Variants in PPP2R2B observed in about 807,000 individuals in gnomAD.
PPP2R2B encodes the protein protein phosphatase 2 regulatory subunit Bbeta, also known as serine/threonine-protein phosphatase 2A 55 kDa regulatory subunit B beta isoform.
A neutral mutation model predicts 46.0 loss-of-function variants in PPP2R2B; 5 were observed. The observed-to-expected ratio is 0.11, with a 90% CI of 0.06 to 0.23. The LOEUF (loss-of-function observed/expected upper bound fraction) is 0.23, where lower values mean the gene tolerates loss of function less well. PPP2R2B is among the 10% of genes least tolerant of loss of function. The pLI is 1.00. For synonymous variants in PPP2R2B, 215 were observed against 206.7 expected (o/e 1.04, Z -0.34); for missense variants, 367 against 575.0 (o/e 0.64, Z 3.70).
chr5:146,844,366 A>C (rs1439160346), intron 2 of PPP2R2B, among the ~76,000 whole-genome samples: 2 of 132,212 alleles, frequency 1.5e-5, no homozygotes, highest in African/African-American at 3.1e-5. Context: ...AAAAAAAAAA[A>C]CATTAAAAAA....
At chr5:146,740,940 G>A (rs1752837567) in intron 2 of PPP2R2B, among the ~76,000 whole-genome samples, 1 of 152,024 alleles carries the variant, frequency 6.6e-6, no homozygotes, top group African/African-American at 2.4e-5. Context: ...AGGAGACTGA[G>A]GCAGGAGAAT....
At chr5:147,056,556 G>A (rs1374912823), upstream of PPP2R2B, among the ~76,000 whole-genome samples, 1 of 152,028 alleles carries the variant, frequency 6.6e-6, no homozygotes, top group Non-Finnish European at 1.5e-5. Flanking sequence ...AAACCCAAAG[G>A]AACTGACCCT....
intron 2 of PPP2R2B, among the ~76,000 whole-genome samples, chr5:146,731,376 G>C (rs746346944): frequency 3.9e-5 from 6 of 152,168 alleles, no homozygotes; most frequent in Non-Finnish European, 7.3e-5. Flanking sequence ...AGTATCCATT[G>C]GCTTTCTGTT....
intron 1 of PPP2R2B, among the ~76,000 whole-genome samples, chr5:146,933,816 A>C: frequency 6.8e-6 from 1 of 146,960 alleles, no homozygotes; most frequent in South Asian, 2.3e-4. Flanking sequence ...GTATCTCCCA[A>C]TGCTATCCCT....
chr5:146,828,479 G>A (rs113348020), intron 2 of PPP2R2B, among the ~76,000 whole-genome samples: 16 of 152,192 alleles, frequency 1.1e-4, no homozygotes, highest in African/African-American at 3.6e-4. Flanking sequence ...TGCTTTCTTT[G>A]TAATGAGTTT....
chr5:146,673,110 A>G (rs1777480691), intron 5 of PPP2R2B, among the ~76,000 whole-genome samples: 1 of 152,178 alleles, frequency 6.6e-6, no homozygotes, highest in Admixed American at 6.5e-5. Flanking sequence ...TGTCTGAGTT[A>G]TGGTTTTTTC....
intron 1 of PPP2R2B, among the ~76,000 whole-genome samples, chr5:146,921,876 A>G (rs1005580779): frequency 9.2e-5 from 14 of 152,210 alleles, no homozygotes; most frequent in Admixed American, 5.2e-4. Context: ...ACCATTTCTT[A>G]TGGCTATAAA....
At chr5:146,945,463 C>G (rs1433472494) in intron 1 of PPP2R2B, among the ~76,000 whole-genome samples, 1 of 152,172 alleles carries the variant, frequency 6.6e-6, no homozygotes, top group Non-Finnish European at 1.5e-5. Context: ...GGCCAGAAAT[C>G]ATGGTCTGAA....
intron 1 of PPP2R2B, among the ~76,000 whole-genome samples, chr5:147,047,873 C>G (rs1756615317): frequency 2.0e-5 from 3 of 152,114 alleles, no homozygotes. Flanking sequence ...CAAAAGTAAC[C>G]TCTTTTCAGC....
intron 1 of PPP2R2B, among the ~76,000 whole-genome samples, chr5:147,002,652 C>T (rs1025661991): frequency 2.6e-5 from 4 of 151,916 alleles, no homozygotes; most frequent in African/African-American, 9.7e-5. Flanking sequence ...CTTCCTTGGT[C>T]CTCCTTGTGG....
In PPP2R2B at chr5:146,664,794, A is replaced by ATT. The variant is rs544951005; in HGVS notation, c.448-14072_448-14071dup. Among the ~76,000 whole-genome samples, 7 of 152,264 alleles carry ATT rather than the reference A, an allele frequency of 4.6e-5. No homozygotes were observed. In the South Asian group the frequency reaches 1.5e-3, roughly 32 times the overall value. On this transcript the variant is annotated intron_variant, in intron 5 of 9. Transcript: ENST00000394411. ...TTTCAAAACGTATTTCTCAAATAAT[A>ATT]TTTCTCAAAAATGACTCCTTAATCT...
chr5:146,653,224 A>G (rs985447177), intron 5 of PPP2R2B, among the ~76,000 whole-genome samples: 1 of 152,176 alleles, frequency 6.6e-6, no homozygotes, highest in East Asian at 1.9e-4. Context: ...TTTCCACTGT[A>G]CCACATCACA....
intron 1 of PPP2R2B, among the ~76,000 whole-genome samples, chr5:146,907,839 G>C (rs1028301802): frequency 3.3e-5 from 5 of 152,110 alleles, no homozygotes; most frequent in African/African-American, 1.2e-4. Context: ...CAAATGGTGA[G>C]GTTCTTGGGG....
chr5:147,055,924 G>A, exon 1 of PPP2R2B: 1 of 1,427,434 alleles, frequency 7.0e-7, no homozygotes, highest in South Asian at 1.5e-5. Context: ...TCAGCGCCAG[G>A]AAGCACTGCC....
chr5:146,587,228 T>C lies in PPP2R2B; in HGVS notation c.*2719A>G, dbSNP rs1461925849. On this transcript the variant is annotated 3_prime_UTR_variant, in exon 10 of 10. Coordinates refer to ENST00000394411, the MANE Select transcript of PPP2R2B (RefSeq NM_181675.4). ...TGAAAGATCACACATGTAAAATACC[T>C]AGTTCAGTACCTGGTAAAGAACAGT... 3 of 152,210 alleles carry C rather than the reference T, an allele frequency of 2.0e-5. No individual in the cohort carries two copies. The East Asian group carries it at 5.8e-4, about 29-fold the overall frequency. 9.4% of individuals were successfully genotyped at this position (152,210 alleles called of 1,614,324 possible).
At chr5:146,820,565 C>A (rs1758195399) in intron 2 of PPP2R2B, among the ~76,000 whole-genome samples, 2 of 152,154 alleles carry the variant, frequency 1.3e-5, no homozygotes, top group Admixed American at 1.3e-4. Context: ...AAGCACACTA[C>A]TGCAATATTA....
At chr5:146,627,295 A>G (rs445122) in intron 7 of PPP2R2B, among the ~76,000 whole-genome samples, 68,194 of 152,026 alleles carry the variant, frequency 0.45, 17,436 homozygotes, top group African/African-American at 0.71. Context: ...TTTGGAAGAT[A>G]TGCCAAATCT....
chr5:146,738,134 CA>C (rs1752651388), intron 2 of PPP2R2B, among the ~76,000 whole-genome samples: 1 of 152,006 alleles, frequency 6.6e-6, no homozygotes, highest in Non-Finnish European at 1.5e-5. Flanking sequence ...CGGTGGCTCA[CA>C]ACTGTAATCC....
intron 5 of PPP2R2B, among the ~76,000 whole-genome samples, chr5:146,688,342 G>A (rs566691458): frequency 6.6e-5 from 10 of 151,656 alleles, no homozygotes; most frequent in African/African-American, 1.5e-4. Flanking sequence ...ATGATAGCTC[G>A]AATGGGCCTT....
Sources: allele counts gnomAD v4.1 joint callset (sites outside exome capture counted in the v4.1 genomes callset), GRCh38; gene constraint gnomAD v4.1.1; transcripts MANE v1.5; gene names NCBI Gene and HGNC (gene_info 2026-07-23, HGNC 2026-07-21).